The following ANKRD30BL variants were observed in gnomAD, a reference collection of about 807,000 sequenced individuals.
ANKRD30BL encodes putative ankyrin repeat domain-containing protein 30B-like.
A neutral mutation model predicts 18.4 loss-of-function variants in ANKRD30BL; 20 were observed. That is an observed-to-expected ratio of 1.09 (90% CI 0.77 to 1.58). The LOEUF (loss-of-function observed/expected upper bound fraction) is 1.58, where lower values mean the gene tolerates loss of function less well. Among genes scored for constraint, ANKRD30BL ranks in the 40% most tolerant of loss-of-function variants. The pLI, the probability that ANKRD30BL is intolerant of heterozygous loss-of-function variation, is 0.00. For missense variants in ANKRD30BL, 224 were observed against 268.6 expected, an observed-to-expected ratio of 0.83 and a Z score of 1.16; for synonymous variants, 72 against 100.9, an observed-to-expected ratio of 0.71 and a Z score of 1.72.
At chr2:132,183,736 C>CAT (rs1268810298) in intron 1 of ANKRD30BL, among the ~76,000 whole-genome samples, 2 of 151,770 alleles carry the variant, frequency 1.3e-5, no homozygotes, top group Non-Finnish European at 2.9e-5. Context: ...TGTATATATG[C>CAT]ATATATATGT....
chr2:132,238,956 T>C (rs1339963759), intron 1 of ANKRD30BL, among the ~76,000 whole-genome samples: 1 of 151,992 alleles, frequency 6.6e-6, no homozygotes, highest in African/African-American at 2.4e-5. Context: ...AAAGGAAATA[T>C]CTTCACATAA....
At chr2:132,257,329 C>T (rs1680885166) in intron 1 of ANKRD30BL, among the ~76,000 whole-genome samples, 2 of 152,244 alleles carry the variant, frequency 1.3e-5, no homozygotes, top group African/African-American at 4.8e-5. Context: ...AGCCGGCTCA[C>T]AGCGGAACGG....
At chr2:132,232,112 G>T (rs1334682536) in intron 1 of ANKRD30BL, among the ~76,000 whole-genome samples, 2 of 152,150 alleles carry the variant, frequency 1.3e-5, no homozygotes, top group African/African-American at 4.8e-5. Flanking sequence ...CAACAGACCT[G>T]CAGCTAAGGG....
intron 1 of ANKRD30BL, among the ~76,000 whole-genome samples, chr2:132,199,455 A>C (rs1289631648): frequency 6.6e-6 from 1 of 152,024 alleles, no homozygotes; most frequent in African/African-American, 2.4e-5. Flanking sequence ...TTGAAACTAA[A>C]CACAGAAGAG....
chr2:132,173,382 C>T (rs1379662454), intron 1 of ANKRD30BL, among the ~76,000 whole-genome samples: 1 of 150,744 alleles, frequency 6.6e-6, no homozygotes, highest in Admixed American at 6.6e-5. Context: ...TCACTGCAAG[C>T]TCTGCCTCCT....
chr2:132,208,421 C>T (rs1558933023), intron 1 of ANKRD30BL, among the ~76,000 whole-genome samples: 1 of 151,990 alleles, frequency 6.6e-6, no homozygotes, highest in Non-Finnish European at 1.5e-5. Context: ...TGTGTCTTTC[C>T]TGAAGTCTAT....
intron 1 of ANKRD30BL, among the ~76,000 whole-genome samples, chr2:132,177,972 A>G (rs1688394599): frequency 6.6e-6 from 1 of 152,112 alleles, no homozygotes; most frequent in Non-Finnish European, 1.5e-5. Context: ...TTAGAATTGT[A>G]TGGGAGCTTT....
upstream of ANKRD30BL, among the ~76,000 whole-genome samples, chr2:132,163,223 G>A (rs1256816192): frequency 6.6e-6 from 1 of 152,178 alleles, no homozygotes; most frequent in Non-Finnish European, 1.5e-5. Context: ...GACCGAGATA[G>A]GAGGATCACT....
chr2:132,223,980 C>T (rs1304055471), intron 1 of ANKRD30BL, among the ~76,000 whole-genome samples: 1 of 152,030 alleles, frequency 6.6e-6, no homozygotes, highest in Non-Finnish European at 1.5e-5. Context: ...AAAAACTAGA[C>T]AGGAGCATTC....
In ANKRD30BL at chr2:132,180,452, T is replaced by C. The variant is rs554126022; in HGVS notation, n.442-23306A>G. ...TAACAAAACTGCTTAAAGACATATT[T>C]CTCCAAATTTATTCCATCATCAAGT... On this transcript the variant is annotated intron_variant and non_coding_transcript_variant, in intron 1 of 4. Transcript: ENST00000470729. 4.6e-5 allele frequency among the ~76,000 whole-genome samples: 7 copies of C among 152,266 alleles called. No individual in the cohort carries two copies. The South Asian group carries it at 1.5e-3, about 32-fold the overall frequency.
chr2:132,164,269 C>CTTTTCTTT (rs1438777753), upstream of ANKRD30BL, among the ~76,000 whole-genome samples: 190 of 112,168 alleles, frequency 1.7e-3, no homozygotes, highest in African/African-American at 6.1e-3. Flanking sequence ...TTTTCTTTTT[C>CTTTTCTTT]TTTTTTTTTT....
chr2:132,225,858 T>C (rs977295650), intron 1 of ANKRD30BL, among the ~76,000 whole-genome samples: 5 of 151,976 alleles, frequency 3.3e-5, no homozygotes, highest in Non-Finnish European at 5.9e-5. Flanking sequence ...GACAGTAGCA[T>C]TCTCAGAAAC....
rs1688074924 is a variant in ANKRD30BL at position 132,161,846 on chromosome 2, C to G, written c.-141G>C. ...ATCTCAGTCGGGCCAAGCTTTTGGA[C>G]ACTCCAACCTCTCCCGGGAGAAAAT... On this transcript the variant is annotated 5_prime_UTR_variant, in exon 1 of 6. Transcript: ENST00000409867. The G allele has an allele frequency of 1.6e-6, 1 of 616,292 alleles. No homozygotes were observed. The highest frequency in any genetic ancestry group is 1.9e-5 in the African/African-American group (1 of 53,828). 38.2% of individuals were successfully genotyped at this position (616,292 alleles called of 1,614,324 possible).
chr2:132,216,367 C>A (rs1309329431), intron 1 of ANKRD30BL, among the ~76,000 whole-genome samples: 1 of 151,920 alleles, frequency 6.6e-6, no homozygotes, highest in Non-Finnish European at 1.5e-5. Context: ...CACATAAGAG[C>A]TAGACAGAAG....
At chr2:132,243,725 G>A (rs2104798597) in intron 1 of ANKRD30BL, among the ~76,000 whole-genome samples, 1 of 151,776 alleles carries the variant, frequency 6.6e-6, no homozygotes, top group African/African-American at 2.4e-5. Flanking sequence ...TACTGGAAAC[G>A]GGTTGATCTT....
upstream of ANKRD30BL, among the ~76,000 whole-genome samples, chr2:132,162,675 C>CGCGGT (rs1688106428): frequency 6.6e-6 from 1 of 152,246 alleles, no homozygotes; most frequent in African/African-American, 2.4e-5. Flanking sequence ...CAGCTGAGCC[C>CGCGGT]ACGGTAGAGG....
intron 1 of ANKRD30BL, among the ~76,000 whole-genome samples, chr2:132,217,827 G>A (rs1366618452): frequency 2.0e-5 from 3 of 152,284 alleles, no homozygotes; most frequent in Non-Finnish European, 4.4e-5. Flanking sequence ...TGTGATGTGT[G>A]CATTCAACTC....
In ANKRD30BL at chr2:132,195,317, T is replaced by C. The variant is rs554279625; in HGVS notation, n.442-38171A>G. 2.2e-4 allele frequency among the ~76,000 whole-genome samples: 33 copies of C among 152,286 alleles called. No homozygotes were observed. The East Asian group carries it at 6.4e-3, about 29-fold the overall frequency. ...CATGTAGAGAACTTCTCATTCAAGG[T>C]GAGTGTGCAAAAATATTACAAAACA... is the stretch of plus-strand genomic sequence containing the variant. On this transcript the variant is annotated intron_variant and non_coding_transcript_variant, in intron 1 of 4. Transcript: ENST00000470729.
chr2:132,189,362 A>T (rs1444735385), intron 1 of ANKRD30BL, among the ~76,000 whole-genome samples: 1 of 152,218 alleles, frequency 6.6e-6, no homozygotes, highest in Non-Finnish European at 1.5e-5. Context: ...ATATCTTTTG[A>T]CTATGACACA....
Sources: gnomAD v4.1 joint callset for allele counts (sites outside exome capture counted in the v4.1 genomes callset) on GRCh38, gnomAD v4.1.1 for gene constraint, MANE v1.5 for transcripts, NCBI Gene and HGNC (gene_info 2026-07-23, HGNC 2026-07-21) for gene names.